MYO3B: variants seen among roughly 807,000 people sequenced by gnomAD.
MYO3B encodes myosin-IIIb.
MYO3B carries 156 observed loss-of-function variants against 174.6 expected under a neutral mutation model. That is an observed-to-expected ratio of 0.89 (90% CI 0.78 to 1.02). The LOEUF (loss-of-function observed/expected upper bound fraction) is 1.02. MYO3B is among the 50% of genes least tolerant of loss of function. The pLI is 0.00. For missense variants in MYO3B, 1,632 were observed against 1,639.4 expected, an observed-to-expected ratio of 1.00 and a Z score of 0.08; for synonymous variants, 563 against 569.1, an observed-to-expected ratio of 0.99 and a Z score of 0.15.
intron 32 of MYO3B, among the ~76,000 whole-genome samples, chr2:170,548,825 C>G (rs960273993): frequency 2.0e-5 from 3 of 152,152 alleles, no homozygotes; most frequent in African/African-American, 4.8e-5. Context: ...GTAAATGACC[C>G]TTGACCATTA....
chr2:170,434,427 C>G (rs1316688336), intron 22 of MYO3B, among the ~76,000 whole-genome samples: 3 of 152,180 alleles, frequency 2.0e-5, no homozygotes, highest in Admixed American at 2.0e-4. Flanking sequence ...TGAGCGCACA[C>G]TTGGACAAGG....
At chr2:170,319,140 C>T (rs2093797058) in intron 7 of MYO3B, among the ~76,000 whole-genome samples, 1 of 152,156 alleles carries the variant, frequency 6.6e-6, no homozygotes, top group Non-Finnish European at 1.5e-5. Flanking sequence ...TTACTCTAAA[C>T]ACTTTATGTA....
rs769660694 is a variant in MYO3B at position 170,406,195 on chromosome 2, T to C, written c.2520+562T>C. Among the ~76,000 whole-genome samples the C allele has an allele frequency of 3.9e-5, 6 of 152,126 alleles. No individual in the cohort carries two copies. The East Asian group carries it at 1.2e-3, about 29-fold the overall frequency. ...CAGATTAGTGACTGATTCAGGAAAT[T>C]CCCTATCCCATAACCACAAGTTCCT... On this transcript the variant is annotated intron_variant, in intron 21 of 34. Transcript: ENST00000408978.
chr2:170,601,619 ATCATCTTCT>A, intron 32 of MYO3B: 5 of 1,234,994 alleles, frequency 4.0e-6, no homozygotes, highest in East Asian at 2.3e-5. Context: ...CTTATTCATC[ATCATCTTCT>A]TCATCTTCCT....
chr2:170,428,168 G>T (rs2094680062), intron 22 of MYO3B, among the ~76,000 whole-genome samples: 1 of 152,184 alleles, frequency 6.6e-6, no homozygotes, highest in Non-Finnish European at 1.5e-5. Flanking sequence ...TAACTGAAGA[G>T]ATCATAGCAA....
chr2:170,253,724 A>G (rs2093277479), intron 7 of MYO3B, among the ~76,000 whole-genome samples: 1 of 152,168 alleles, frequency 6.6e-6, no homozygotes, highest in Non-Finnish European at 1.5e-5. Context: ...AGATAAGAGA[A>G]GAATAAGGGT....
chr2:170,535,728 G>A (rs958723911), intron 30 of MYO3B, among the ~76,000 whole-genome samples: 5 of 152,198 alleles, frequency 3.3e-5, no homozygotes, highest in African/African-American at 1.2e-4. Flanking sequence ...GGATAGTCTA[G>A]CCAAGTCCTC....
At chr2:170,644,430 G>A (rs78200385) in intron 32 of MYO3B, 1 of 152,092 alleles carries the variant, frequency 6.6e-6, no homozygotes, top group Non-Finnish European at 1.5e-5. Flanking sequence ...GGAATTACAG[G>A]TGCACACCAC....
intron 19 of MYO3B, among the ~76,000 whole-genome samples, chr2:170,404,025 T>A (rs1041184044): frequency 3.9e-4 from 60 of 152,220 alleles, no homozygotes; most frequent in African/African-American, 1.4e-3. Context: ...GAGAGAGATG[T>A]TTTACTGGTT....
At chr2:170,603,726 A>G (rs1185543111) in intron 32 of MYO3B, among the ~76,000 whole-genome samples, 1 of 152,250 alleles carries the variant, frequency 6.6e-6, no homozygotes, top group East Asian at 1.9e-4. Flanking sequence ...TGGTTTTAAA[A>G]TGCTTAGGAA....
chr2:170,647,778 A>T (rs1474592659), intron 32 of MYO3B, among the ~76,000 whole-genome samples: 1 of 152,222 alleles, frequency 6.6e-6, no homozygotes, highest in East Asian at 1.9e-4. Flanking sequence ...CCAATGAAAC[A>T]GCAAGTTCGT....
chr2:170,438,722 C>G (rs2094775696), intron 22 of MYO3B, among the ~76,000 whole-genome samples: 1 of 152,006 alleles, frequency 6.6e-6, no homozygotes, highest in African/African-American at 2.4e-5. Flanking sequence ...GCAGCCTCCC[C>G]CTCCCAAGTT....
intron 23 of MYO3B, among the ~76,000 whole-genome samples, chr2:170,456,041 T>A (rs181752970): frequency 1.6e-4 from 25 of 152,200 alleles, no homozygotes; most frequent in African/African-American, 5.8e-4. Context: ...AGAAAATGCA[T>A]ACAGATGTAT....
chr2:170,445,814 T>A (rs896586669), intron 23 of MYO3B, among the ~76,000 whole-genome samples: 1 of 152,198 alleles, frequency 6.6e-6, no homozygotes, highest in Non-Finnish European at 1.5e-5. Flanking sequence ...AAAAAAATTT[T>A]TTTTGTAGAG....
chr2:170,447,612 T>C (rs998254573), intron 23 of MYO3B, among the ~76,000 whole-genome samples: 5 of 152,258 alleles, frequency 3.3e-5, no homozygotes, highest in Non-Finnish European at 5.9e-5. Context: ...TTATAAGTTA[T>C]ATAAACCACA....
At chr2:170,383,363 T>C (rs917172524) in intron 11 of MYO3B, among the ~76,000 whole-genome samples, 174 bp downstream of exon 11, 1 of 152,226 alleles carries the variant, frequency 6.6e-6, no homozygotes, top group Non-Finnish European at 1.5e-5. Context: ...AATACCTTTT[T>C]AAAGCAAACT....
At chr2:170,300,286 C>G (rs1180816152) in intron 7 of MYO3B, among the ~76,000 whole-genome samples, 3 of 152,062 alleles carry the variant, frequency 2.0e-5, no homozygotes, top group Non-Finnish European at 4.4e-5. Flanking sequence ...TTCTCTTTTT[C>G]CCTGCTACAA....
intron 12 of MYO3B, 35 bp from the exon 13 acceptor site, chr2:170,386,154 A>G: frequency 6.3e-7 from 1 of 1,593,152 alleles, no homozygotes; most frequent in Non-Finnish European, 8.6e-7. Context: ...TCTGTGCTAT[A>G]AATTCTTCAC....
chr2:170,283,895 G>A (rs2093533400), intron 7 of MYO3B, among the ~76,000 whole-genome samples: 1 of 152,224 alleles, frequency 6.6e-6, no homozygotes, highest in African/African-American at 2.4e-5. Flanking sequence ...GTGGATGAGT[G>A]AGTGCAAAGA....
Sources: allele counts gnomAD v4.1 joint callset (sites outside exome capture counted in the v4.1 genomes callset), GRCh38; gene constraint gnomAD v4.1.1; transcripts MANE v1.5; gene names NCBI Gene and HGNC (gene_info 2026-07-23, HGNC 2026-07-21).